PTPRF: variants seen among roughly 807,000 people sequenced by gnomAD.
The protein encoded by PTPRF is receptor-type tyrosine-protein phosphatase F.
In PTPRF, 59 loss-of-function variants were observed where a neutral mutation model predicts 201.8. The ratio of observed to expected loss-of-function variants is 0.29; its 90% CI spans 0.24 to 0.36. The LOEUF (loss-of-function observed/expected upper bound fraction) is 0.36. Ranked by LOEUF, PTPRF falls within the 10% of genes least tolerant of loss-of-function variation. The pLI is 1.00. For missense variants in PTPRF, 2,132 were observed against 2,690.5 expected (o/e 0.79, Z 4.59); for synonymous variants, 1,088 against 1,089.7 (o/e 1.00, Z 0.03).
At chr1:43,590,879 C>A in intron 8 of PTPRF, 93 bp from the exon 9 acceptor site, 1 of 1,199,404 alleles carries the variant, frequency 8.3e-7, no homozygotes, top group Non-Finnish European at 1.2e-6. Flanking sequence ...ACTCAGGTGA[C>A]CCCACCAGAT....
chr1:43,586,174 C>T (rs1292532529), intron 7 of PTPRF, among the ~76,000 whole-genome samples: 1 of 152,238 alleles, frequency 6.6e-6, no homozygotes, highest in Non-Finnish European at 1.5e-5. Context: ...TGGAAACCTG[C>T]ACCTAGTAGG....
In PTPRF at chr1:43,597,846, G is replaced by A. The variant is rs369453577; in HGVS notation, c.1912G>A (p.Val638Ile). ...GCCGCCTGCCGACAGCCGCAACGGC[G>A]TTATCACCCAGTACTCCGTGGCCTA... The part of the protein sequence containing the change: ...VPPPADSRNG[V>I]ITQYSVAYEA... Residue 638 changes from valine to isoleucine, a missense_variant, in exon 12 of 34, where the codon GTT (valine) becomes ATT (isoleucine). By Grantham distance (29) the Val-to-Ile change is conservative (BLOSUM62 3). This residue lies in a region of PTPRF where 125 missense variants were observed against 211.9 expected (regional missense o/e 0.59). Transcript: ENST00000359947. 1.4e-5 allele frequency: 23 copies of A among 1,608,442 alleles called. 1 individual carries two copies. The highest frequency in any genetic ancestry group is 7.8e-5 in the South Asian group (7 of 89,456).
chr1:43,617,315 G>C, intron 23 of PTPRF, 130 bp from the exon 24 acceptor site: 1 of 1,336,266 alleles, frequency 7.5e-7, no homozygotes, highest in East Asian at 2.4e-5. Flanking sequence ...CCACGAGATA[G>C]AGGGCCTGGC....
chr1:43,582,144 C>T (rs1279774259), intron 7 of PTPRF, among the ~76,000 whole-genome samples: 1 of 152,212 alleles, frequency 6.6e-6, no homozygotes, highest in African/African-American at 2.4e-5. Flanking sequence ...CCCAAATTCT[C>T]AGGGCTCCCA....
At chr1:43,585,305 C>A (rs534121595) in intron 7 of PTPRF, among the ~76,000 whole-genome samples, 2 of 152,296 alleles carry the variant, frequency 1.3e-5, no homozygotes, top group East Asian at 3.9e-4. Flanking sequence ...GTCTAGGATG[C>A]GGGTCCCTGT....
intron 7 of PTPRF, chr1:43,583,146 G>A (rs1223799125): frequency 4.1e-6 from 4 of 968,468 alleles, no homozygotes; most frequent in South Asian, 4.8e-5. Context: ...GATGGGACAC[G>A]CCTGTCAGTA....
intron 7 of PTPRF, among the ~76,000 whole-genome samples, chr1:43,584,439 G>A (rs1648588827): frequency 6.6e-6 from 1 of 152,180 alleles, no homozygotes; most frequent in South Asian, 2.1e-4. Flanking sequence ...TGCTGACCGG[G>A]CAGATCTGCG....
intron 6 of PTPRF, among the ~76,000 whole-genome samples, chr1:43,575,021 G>A (rs1021736742): frequency 2.6e-5 from 4 of 152,226 alleles, no homozygotes; most frequent in African/African-American, 9.6e-5. Context: ...ATCCCCAGAC[G>A]TGGGCAGGAA....
Position 43,603,569 on chromosome 1 carries a change from C to T in PTPRF, c.2458+36C>T. 1 of 1,612,794 alleles carries T rather than the reference C, an allele frequency of 6.2e-7. No homozygotes were observed. On this transcript the variant is annotated intron_variant, in intron 15 of 33. Coordinates refer to ENST00000359947, the MANE Select transcript of PTPRF (RefSeq NM_002840.5). The surrounding 1 kb of genome is among the most constrained non-coding windows in gnomAD (Gnocchi z 5.8). ...GGTCAGGACGGACCTGAGGGTGGGG[C>T]AGCAGGAGGGCAGCGCCAGAGCCCA...
chr1:43,574,229 C>A (rs976428106), intron 6 of PTPRF, among the ~76,000 whole-genome samples: 1 of 151,726 alleles, frequency 6.6e-6, no homozygotes. Context: ...CTCCGAACCT[C>A]GGGTGATCCG....
chr1:43,595,534 T>C (rs1652042879), intron 11 of PTPRF, among the ~76,000 whole-genome samples: 1 of 152,142 alleles, frequency 6.6e-6, no homozygotes, highest in Non-Finnish European at 1.5e-5. Context: ...ATTTTTCTTT[T>C]AAGATGGGAA....
chr1:43,607,573 A>AG (rs893003133), intron 21 of PTPRF, among the ~76,000 whole-genome samples: 2 of 152,232 alleles, frequency 1.3e-5, no homozygotes, highest in Non-Finnish European at 2.9e-5. Flanking sequence ...CCAGCCTGAA[A>AG]GGGATTTCCA....
chr1:43,563,783 A>G (rs1359435016), intron 5 of PTPRF, among the ~76,000 whole-genome samples: 1 of 152,046 alleles, frequency 6.6e-6, no homozygotes, highest in African/African-American at 2.4e-5. Flanking sequence ...GAACCTAGGG[A>G]GTGAATGGAT....
rs554297829 is a variant in PTPRF at position 43,537,690 on chromosome 1, C to T, written c.-125-508C>T. 3.3e-5 allele frequency among the ~76,000 whole-genome samples: 5 copies of T among 152,338 alleles called. No homozygotes were observed. The highest frequency in any genetic ancestry group is 2.1e-4 in the South Asian group (1 of 4,830). ...AGAAAGTGCCACTGGACTTGAGATC[C>T]GAGGGTAAGTTGGCCAGAAGAGCAT... On this transcript the variant is annotated intron_variant, in intron 1 of 33. Coordinates refer to ENST00000359947, the MANE Select transcript of PTPRF (RefSeq NM_002840.5). The surrounding 1 kb of genome is among the most constrained non-coding windows in gnomAD (Gnocchi z 4.8).
At chr1:43,549,950 G>A (rs1644914224) in intron 3 of PTPRF, among the ~76,000 whole-genome samples, 1 of 152,298 alleles carries the variant, frequency 6.6e-6, no homozygotes, top group African/African-American at 2.4e-5. Context: ...CATCAGGCCC[G>A]TTGGTAGCTG....
In PTPRF at chr1:43,554,060, C is replaced by T. The variant is rs2842185; in HGVS notation, c.379+119C>T. On this transcript the variant is annotated intron_variant, in intron 5 of 33. Coordinates refer to ENST00000359947, the MANE Select transcript of PTPRF (RefSeq NM_002840.5). This position sits in a 1 kb window ranked among gnomAD's most constrained non-coding sequence, Gnocchi z 4.1. Reference sequence around the variant, plus strand: ...TGGCAGAAAGGAGGACTGGCCACCTCGGGGTCAGTGAAAGTCAGTGGTGGA... The same window carrying T: ...TGGCAGAAAGGAGGACTGGCCACCTTGGGGTCAGTGAAAGTCAGTGGTGGA... The T allele has an allele frequency of 0.67, 910,140 of 1,366,100 alleles. 307,771 individuals are homozygous for T. The highest frequency in any genetic ancestry group is 0.89 in the African/African-American group (61,846 of 69,498). The allele number at this position is 1,366,100 out of a possible 1,614,324, so 84.6% of individuals were successfully genotyped here.
chr1:43,536,456 T>G (rs1401424515), intron 1 of PTPRF, among the ~76,000 whole-genome samples: 1 of 152,196 alleles, frequency 6.6e-6, no homozygotes, highest in Non-Finnish European at 1.5e-5. Flanking sequence ...TTCTGCTCCA[T>G]GTAGGGCCTG....
intron 6 of PTPRF, among the ~76,000 whole-genome samples, chr1:43,575,472 C>T (rs758506643): frequency 6.6e-6 from 1 of 152,192 alleles, no homozygotes; most frequent in African/African-American, 2.4e-5. Flanking sequence ...AGCCTGTGTC[C>T]TGTCTGCCTT....
intron 22 of PTPRF, chr1:43,613,019 C>T (rs562554898): frequency 7.0e-5 from 26 of 373,152 alleles, no homozygotes; most frequent in Admixed American, 6.7e-4. Flanking sequence ...TCCCACCGGC[C>T]CCGTCTCTGT....
Sources: allele counts gnomAD v4.1 joint callset (sites outside exome capture counted in the v4.1 genomes callset), GRCh38; gene constraint gnomAD v4.1.1; regional missense constraint gnomAD v4.1.1; non-coding constraint Gnocchi (gnomAD v3.1); transcripts MANE v1.5; gene names NCBI Gene and HGNC (gene_info 2026-07-23, HGNC 2026-07-21).